Variants in CELF4 observed in about 807,000 individuals in gnomAD.
CELF4 encodes the protein CUG-BP- and ETR-3-like factor 4.
Under a neutral mutation model 59.9 loss-of-function variants are expected in CELF4, and 18 were observed. The ratio of observed to expected loss-of-function variants is 0.30; its 90% confidence interval spans 0.21 to 0.45. CELF4 has a LOEUF of 0.45. CELF4 is among the 20% of genes least tolerant of loss of function. CELF4 has a pLI of 1.00. For missense variants in CELF4, 456 were observed against 689.0 expected, an observed-to-expected ratio of 0.66 and a Z score of 3.79; for synonymous variants, 261 against 267.1, an observed-to-expected ratio of 0.98 and a Z score of 0.22.
At chr18:37,270,514 AG>A (rs2090644093) in intron 8 of CELF4, among the ~76,000 whole-genome samples, 1 of 152,190 alleles carries the variant, frequency 6.6e-6, no homozygotes. Context: ...TTCTTCCCTA[AG>A]GGAGCACCTG....
At chr18:37,470,542 A>T (rs1464125535) in intron 2 of CELF4, among the ~76,000 whole-genome samples, 1 of 152,138 alleles carries the variant, frequency 6.6e-6, no homozygotes, top group Non-Finnish European at 1.5e-5. Flanking sequence ...AACAGACCCA[A>T]ATGTGGCATC....
intron 3 of CELF4, among the ~76,000 whole-genome samples, chr18:37,280,497 G>T (rs1407007862): frequency 6.6e-6 from 1 of 152,184 alleles, no homozygotes. Context: ...TGGAGCCCCT[G>T]ATGAGAGAAC....
chr18:37,545,726 TCA>T (rs779142819), intron 1 of CELF4, among the ~76,000 whole-genome samples: 4 of 150,390 alleles, frequency 2.7e-5, no homozygotes, highest in Non-Finnish European at 5.9e-5. Flanking sequence ...TCTCTCTCTC[TCA>T]CTCTCATATG....
chr18:37,433,937 TTTTA>T (rs1054736042), intron 2 of CELF4, among the ~76,000 whole-genome samples: 1 of 152,196 alleles, frequency 6.6e-6, no homozygotes, highest in African/African-American at 2.4e-5. Flanking sequence ...AAGTGTTTAT[TTTTA>T]TTTATTTAGT....
chr18:37,312,902 G>A (rs1324745587), intron 3 of CELF4, among the ~76,000 whole-genome samples: 1 of 152,292 alleles, frequency 6.6e-6, no homozygotes, highest in East Asian at 1.9e-4. Flanking sequence ...AGCTGTGGAC[G>A]TCCAGGTCTG....
At chr18:37,565,325 C>T (rs557029361) in intron 1 of CELF4, 31 bp downstream of exon 1, 2 of 1,467,816 alleles carry the variant, frequency 1.4e-6, no homozygotes, top group South Asian at 3.0e-5. Flanking sequence ...TCCTGCTCCC[C>T]GGCAAAGTTG....
intron 2 of CELF4, among the ~76,000 whole-genome samples, chr18:37,442,027 C>T (rs1394865469): frequency 6.8e-6 from 1 of 147,702 alleles, no homozygotes; most frequent in Non-Finnish European, 1.5e-5. Flanking sequence ...CTAGATGACA[C>T]GGTGTGTCAC....
chr18:37,471,885 G>T (rs2099834081), intron 2 of CELF4, among the ~76,000 whole-genome samples: 1 of 152,190 alleles, frequency 6.6e-6, no homozygotes, highest in Non-Finnish European at 1.5e-5. Flanking sequence ...AGCTGTCAGG[G>T]CTGCTGGGAG....
chr18:37,562,514 C>T (rs548708916), intron 1 of CELF4, among the ~76,000 whole-genome samples: 2 of 152,192 alleles, frequency 1.3e-5, no homozygotes, highest in South Asian at 4.1e-4. Flanking sequence ...CAAATATGCC[C>T]TGAAACCAGG....
chr18:37,451,425 CTT>C (rs1281279445), intron 2 of CELF4, among the ~76,000 whole-genome samples: 1 of 151,950 alleles, frequency 6.6e-6, no homozygotes, highest in Non-Finnish European at 1.5e-5. Context: ...ATGCATGTGT[CTT>C]TTGTGTGTGT....
intron 6 of CELF4, chr18:37,273,952 G>T: frequency 9.0e-7 from 1 of 1,110,060 alleles, no homozygotes; most frequent in Non-Finnish European, 1.1e-6. Context: ...AGTAGGGGTG[G>T]TTTGCAACCA....
chr18:37,412,405 A>G (rs1016864152), intron 2 of CELF4, among the ~76,000 whole-genome samples: 1 of 152,140 alleles, frequency 6.6e-6, no homozygotes, highest in Admixed American at 6.5e-5. Context: ...TCCTTAGTCC[A>G]GGCCTGAATT....
At chr18:37,326,448 G>A (rs1190823990) in intron 2 of CELF4, among the ~76,000 whole-genome samples, 2 of 152,180 alleles carry the variant, frequency 1.3e-5, no homozygotes, top group South Asian at 2.1e-4. Context: ...CCTGTGGCTT[G>A]TGGCTGCTGG....
At chr18:37,297,386 C>T (rs764703759) in intron 3 of CELF4, among the ~76,000 whole-genome samples, 9 of 152,192 alleles carry the variant, frequency 5.9e-5, no homozygotes, top group Non-Finnish European at 8.8e-5. Flanking sequence ...CAGCCTCTCA[C>T]GCTTTCACAT....
chr18:37,257,259 C>T (rs960448047), intron 11 of CELF4, among the ~76,000 whole-genome samples: 13 of 152,184 alleles, frequency 8.5e-5, no homozygotes, highest in Admixed American at 8.5e-4. Context: ...CCAGCAGAGG[C>T]GCCCAGAGCT....
intron 1 of CELF4, among the ~76,000 whole-genome samples, chr18:37,496,956 GGGC>G (rs2099925894): frequency 2.0e-5 from 3 of 152,112 alleles, no homozygotes; most frequent in Non-Finnish European, 4.4e-5. Flanking sequence ...AGAGGGGTAG[GGGC>G]TCTGGGTTTT....
At chr18:37,447,280 C>T (rs2099750776) in intron 2 of CELF4, among the ~76,000 whole-genome samples, 1 of 152,192 alleles carries the variant, frequency 6.6e-6, no homozygotes, top group Non-Finnish European at 1.5e-5. Context: ...CTCTTGATTA[C>T]AAGACTCACC....
At chr18:37,318,245 C>G (rs532492587) in intron 3 of CELF4, among the ~76,000 whole-genome samples, 21 of 151,714 alleles carry the variant, frequency 1.4e-4, no homozygotes, top group Non-Finnish European at 2.9e-4. Flanking sequence ...GTGCCCCAGT[C>G]TTCCCTCACC....
At chr18:37,295,351 T>A (rs2095579660) in intron 3 of CELF4, among the ~76,000 whole-genome samples, 1 of 152,200 alleles carries the variant, frequency 6.6e-6, no homozygotes, top group Non-Finnish European at 1.5e-5. Flanking sequence ...CAGATTGGGA[T>A]GGTGTGGCTA....
Sources: gnomAD v4.1 joint callset for allele counts (sites outside exome capture counted in the v4.1 genomes callset) on GRCh38, gnomAD v4.1.1 for gene constraint, MANE v1.5 for transcripts, NCBI Gene and HGNC (gene_info 2026-07-23, HGNC 2026-07-21) for gene names.